The following TNFRSF10C variants were observed in gnomAD, a reference collection of about 807,000 sequenced individuals.
TNFRSF10C encodes tumor necrosis factor receptor superfamily member 10C.
Under a neutral mutation model 16.7 loss-of-function variants are expected in TNFRSF10C, and 17 were observed. The observed-to-expected ratio is 1.02, with a 90% CI of 0.70 to 1.53. The LOEUF (loss-of-function observed/expected upper bound fraction) is 1.53, where lower values mean the gene tolerates loss of function less well. TNFRSF10C is among the 40% of genes most tolerant of loss of function. The pLI is 0.00. For synonymous variants in TNFRSF10C, 73 were observed against 119.7 expected, an observed-to-expected ratio of 0.61 and a Z score of 2.55; for missense variants, 237 against 329.7, an observed-to-expected ratio of 0.72 and a Z score of 2.18.
chr8:23,113,095 C>A (rs1455385767), intron 2 of TNFRSF10C, among the ~76,000 whole-genome samples: 1 of 152,148 alleles, frequency 6.6e-6, no homozygotes, highest in Non-Finnish European at 1.5e-5. Context: ...TCTATGTCTC[C>A]TTTTGAGAAG....
At chr8:23,109,560 C>T (rs1253400740) in intron 1 of TNFRSF10C, among the ~76,000 whole-genome samples, 1 of 151,594 alleles carries the variant, frequency 6.6e-6, no homozygotes, top group African/African-American at 2.4e-5. Context: ...TAGCATGAAC[C>T]TGGGAGGTGG....
Position 23,103,000 on chromosome 8 carries a change from A to C in TNFRSF10C, c.-122A>C. 1 of 1,540,398 alleles carries C rather than the reference A, an allele frequency of 6.5e-7. No individual in the cohort carries two copies. Among genetic ancestry groups the C allele is most frequent in the South Asian group, 1.2e-5 (1 of 83,778 alleles). On this transcript the variant is annotated 5_prime_UTR_variant, in exon 1 of 5. Coordinates refer to ENST00000356864, the MANE Select transcript of TNFRSF10C (RefSeq NM_003841.5). ...GATAGATTTTTGGGAGTTTGACCAGAGATGCAAGGGGTGAAGGAGCGCTTC... is the reference window on the plus strand; with the variant it reads ...GATAGATTTTTGGGAGTTTGACCAGCGATGCAAGGGGTGAAGGAGCGCTTC...
intron 2 of TNFRSF10C, 133 bp downstream of exon 2, chr8:23,111,958 T>C: frequency 1.1e-6 from 1 of 930,834 alleles, no homozygotes. Context: ...ATTCACATAC[T>C]TAATCATGTA....
At chr8:23,112,393 C>A (rs1331899462) in intron 2 of TNFRSF10C, among the ~76,000 whole-genome samples, 2 of 152,164 alleles carry the variant, frequency 1.3e-5, no homozygotes, top group African/African-American at 4.8e-5. Flanking sequence ...ACTGTAGTCG[C>A]CATGTCACAC....
chr8:23,109,414 G>A (rs1242284033), intron 1 of TNFRSF10C, among the ~76,000 whole-genome samples: 6 of 152,080 alleles, frequency 3.9e-5, no homozygotes, highest in Admixed American at 3.9e-4. Context: ...GAGGAGGGTG[G>A]ATCACGAGGT....
chr8:23,109,338 A>T (rs1211605910), intron 1 of TNFRSF10C, among the ~76,000 whole-genome samples: 2 of 152,152 alleles, frequency 1.3e-5, no homozygotes, highest in Non-Finnish European at 2.9e-5. Context: ...CAAAAAAAGA[A>T]AAAACGTGAA....
Position 23,114,662 on chromosome 8 carries a change from C to G in TNFRSF10C, c.172C>G (p.His58Asp), listed in dbSNP as rs145921851. ...FKGEECPAGS[H>D]RSEHTGACNP... ...GCTTTTCTCTTCCTTCCCAGGATCT[C>G]ATAGATCAGAACATACTGGAGCCTG... Residue 58 changes from histidine to aspartate, a missense_variant, in exon 3 of 5, where the codon CAT (histidine) becomes GAT (aspartate). Physicochemically the swap from His to Asp is moderately conservative, Grantham distance 81 (BLOSUM62 -1). Around this residue, in one of 2 missense-constraint regions of TNFRSF10C, gnomAD observed 212 missense variants for 196.8 expected, o/e 1.08. Transcript: ENST00000356864. 9.4e-5 allele frequency: 151 copies of G among 1,613,262 alleles called. No individual in the cohort carries two copies. In the African/African-American group the frequency reaches 1.9e-3, roughly 21 times the overall value.
chr8:23,106,133 C>A (rs1021138720), intron 1 of TNFRSF10C, among the ~76,000 whole-genome samples: 2 of 152,150 alleles, frequency 1.3e-5, no homozygotes, highest in Admixed American at 6.5e-5. Flanking sequence ...GCCTGGAGTC[C>A]GCCGGAGTTT....
intron 1 of TNFRSF10C, among the ~76,000 whole-genome samples, chr8:23,107,556 A>G (rs574153058): frequency 6.6e-6 from 1 of 152,376 alleles, no homozygotes; most frequent in African/African-American, 2.4e-5. Context: ...ACTTGAGTGT[A>G]TACTGTATTC....
chr8:23,105,979 G>C (rs932312024), intron 1 of TNFRSF10C, among the ~76,000 whole-genome samples: 1 of 152,206 alleles, frequency 6.6e-6, no homozygotes, highest in Non-Finnish European at 1.5e-5. Flanking sequence ...AGCTCTTATG[G>C]TTCCTCAGCA....
chr8:23,111,602 GA>G, intron 1 of TNFRSF10C, 117 bp from the exon 2 acceptor site: 2 of 803,168 alleles, frequency 2.5e-6, no homozygotes, highest in Non-Finnish European at 4.2e-6. Flanking sequence ...TTTGGAGCTG[GA>G]AAAAATGTCC....
rs1194695002 is a variant in TNFRSF10C at position 23,117,214 on chromosome 8, T to A, written c.*183T>A. 1 of 924,254 alleles carries A rather than the reference T, an allele frequency of 1.1e-6. No homozygotes were observed. The highest frequency in any genetic ancestry group is 1.6e-6 in the Non-Finnish European group (1 of 627,150). 57.3% of individuals were successfully genotyped at this position (924,254 alleles called of 1,614,324 possible). ...CCTGGCTCTATCTTCCTCCTTGTGA[T>A]CGTCCCATCCCCACATCCCGTGCAC... On this transcript the variant is annotated 3_prime_UTR_variant, in exon 5 of 5. Coordinates refer to ENST00000356864, the MANE Select transcript of TNFRSF10C (RefSeq NM_003841.5).
intron 1 of TNFRSF10C, among the ~76,000 whole-genome samples, chr8:23,105,436 G>C (rs553553731): frequency 6.6e-6 from 1 of 152,322 alleles, no homozygotes; most frequent in Admixed American, 6.5e-5. Flanking sequence ...TGGGGCAGAA[G>C]CTTCTGAAGA....
At chr8:23,104,426 C>T (rs151009631) in intron 1 of TNFRSF10C, among the ~76,000 whole-genome samples, 149 of 152,282 alleles carry the variant, frequency 9.8e-4, no homozygotes, top group African/African-American at 3.4e-3. Context: ...TCACTGTTGC[C>T]GCCTAGGGGC....
intron 1 of TNFRSF10C, among the ~76,000 whole-genome samples, chr8:23,107,174 C>CACA (rs1051503749): frequency 6.6e-6 from 1 of 152,006 alleles, no homozygotes; most frequent in East Asian, 1.9e-4. Context: ...AAAACCCGGT[C>CACA]ACAACAACAA....
intron 3 of TNFRSF10C, 59 bp from the exon 4 acceptor site, chr8:23,115,449 G>A: frequency 4.8e-6 from 7 of 1,468,700 alleles, no homozygotes; most frequent in Non-Finnish European, 6.6e-6. Flanking sequence ...TGGGTGGTAA[G>A]GAAGATCGAG....
At chr8:23,104,782 A>T (rs1813745643) in intron 1 of TNFRSF10C, among the ~76,000 whole-genome samples, 1 of 152,190 alleles carries the variant, frequency 6.6e-6, no homozygotes, top group Non-Finnish European at 1.5e-5. Context: ...TCCTCATGGT[A>T]TTAGGAATTT....
At chr8:23,112,100 A>G (rs1237513985) in intron 2 of TNFRSF10C, among the ~76,000 whole-genome samples, 1 of 152,136 alleles carries the variant, frequency 6.6e-6, no homozygotes, top group Non-Finnish European at 1.5e-5. Context: ...TTCTGTATCC[A>G]TGGTTGCAAC....
rs569943519 is a variant in TNFRSF10C, at chr8:23,113,640, G to A, written c.167-1017G>A. Among the ~76,000 whole-genome samples, 10 of 152,124 alleles carry A rather than the reference G, an allele frequency of 6.6e-5. No individual in the cohort carries two copies. The South Asian group carries it at 2.1e-3, about 32-fold the overall frequency. On this transcript the variant is annotated intron_variant, in intron 2 of 4. Transcript: ENST00000356864. The stretch of plus-strand genomic sequence containing the variant: ...GATTTATACCTGGGTTCACTATTTT[G>A]TTCCATCAGTTTATTTACCATTGTT...
Sources: allele counts gnomAD v4.1 joint callset (sites outside exome capture counted in the v4.1 genomes callset), GRCh38; gene constraint gnomAD v4.1.1; regional missense constraint gnomAD v4.1.1; transcripts MANE v1.5; gene names NCBI Gene and HGNC (gene_info 2026-07-23, HGNC 2026-07-21).